INTS6L: variants seen among roughly 807,000 people sequenced by gnomAD.
INTS6L encodes the protein integrator complex subunit 6-like.
Under a neutral mutation model 64.7 loss-of-function variants are expected in INTS6L, and 18 were observed. The observed-to-expected ratio is 0.28, with a 90% CI of 0.19 to 0.41. The LOEUF (loss-of-function observed/expected upper bound fraction) is 0.41. Among genes scored for constraint, INTS6L ranks in the 10% least tolerant of loss-of-function variants. The pLI is 1.00. For synonymous variants in INTS6L, 227 were observed against 235.9 expected, an observed-to-expected ratio of 0.96 and a Z score of 0.34; for missense variants, 533 against 661.0, an observed-to-expected ratio of 0.81 and a Z score of 2.12.
chrX:135,579,681 C>T, intron 15 of INTS6L, 107 bp from the exon 16 acceptor site: 4 of 1,055,385 alleles, frequency 3.8e-6, no homozygotes, highest in Non-Finnish European at 1.3e-6. Flanking sequence ...GGTATATCAT[C>T]CTGCTTTATG....
chrX:135,578,870 A>G (rs782411694), intron 15 of INTS6L, among the ~76,000 whole-genome samples: 115 of 111,462 alleles, frequency 1.0e-3, no homozygotes, highest in Non-Finnish European at 2.0e-3. Context: ...TTATGTCTGC[A>G]TGTATATCAC....
At chrX:135,565,060 A>G (rs2086906227) in intron 9 of INTS6L, among the ~76,000 whole-genome samples, 1 of 111,705 alleles carries the variant, frequency 9.0e-6, no homozygotes, top group Non-Finnish European at 1.9e-5. Context: ...ATTATCTTCC[A>G]CACTTGACCT....
chrX:135,538,258 T>TA (rs1556510257), intron 2 of INTS6L, among the ~76,000 whole-genome samples: 1 of 112,755 alleles, frequency 8.9e-6, no homozygotes, highest in East Asian at 2.8e-4. Flanking sequence ...GTTTATATAA[T>TA]ATTGTAAATC....
intron 16 of INTS6L, 90 bp from the exon 17 acceptor site, chrX:135,580,960 C>A: frequency 1.5e-6 from 1 of 647,732 alleles, no homozygotes; most frequent in Non-Finnish European, 2.2e-6. Flanking sequence ...TTTCCACTCA[C>A]GAAGAACAAT....
intron 8 of INTS6L, among the ~76,000 whole-genome samples, chrX:135,552,920 G>A (rs986521843): frequency 1.8e-5 from 2 of 112,024 alleles, no homozygotes; most frequent in South Asian, 7.4e-4. Flanking sequence ...TAACTGTTAG[G>A]CTCTATTTAT....
intron 2 of INTS6L, among the ~76,000 whole-genome samples, chrX:135,543,161 C>T (rs1339208572): frequency 9.0e-6 from 1 of 110,761 alleles, no homozygotes; most frequent in Non-Finnish European, 1.9e-5. Flanking sequence ...CTCCAACTAC[C>T]AGCAGAGATC....
intron 2 of INTS6L, among the ~76,000 whole-genome samples, chrX:135,525,238 C>T (rs2148556640): frequency 8.9e-6 from 1 of 111,867 alleles, no homozygotes; most frequent in African/African-American, 3.2e-5. Flanking sequence ...ACTACTATTA[C>T]TTTGAAAGAA....
At chrX:135,577,506 T>C (rs782804456) in intron 15 of INTS6L, 79 bp downstream of exon 15, 1 of 992,766 alleles carries the variant, frequency 1.0e-6, no homozygotes, top group Non-Finnish European at 1.4e-6. Flanking sequence ...CTTTTTGTGT[T>C]CCTTCCTTTG....
chrX:135,540,370 A>G (rs1480400924), intron 2 of INTS6L, among the ~76,000 whole-genome samples: 1 of 112,099 alleles, frequency 8.9e-6, no homozygotes, highest in African/African-American at 3.2e-5. Flanking sequence ...ATTACATGCT[A>G]TGCTTAGTAT....
At chrX:135,567,231 GGAAGA>G (rs1556525199) in intron 9 of INTS6L, among the ~76,000 whole-genome samples, 1 of 111,811 alleles carries the variant, frequency 8.9e-6, no homozygotes, top group Non-Finnish European at 1.9e-5. Flanking sequence ...GAAAGGAACT[GGAAGA>G]GAAAATACCG....
At chrX:135,558,156 G>GTGT (rs1204835730) in intron 9 of INTS6L, among the ~76,000 whole-genome samples, 7 of 111,814 alleles carry the variant, frequency 6.3e-5, no homozygotes, top group African/African-American at 2.0e-4. Context: ...AAAATGAGAA[G>GTGT]TGTTGGTAAA....
At chrX:135,538,958 C>T (rs2086125348) in intron 2 of INTS6L, among the ~76,000 whole-genome samples, 1 of 112,132 alleles carries the variant, frequency 8.9e-6, no homozygotes, top group Non-Finnish European at 1.9e-5. Flanking sequence ...GTGCTGTCAT[C>T]CAGGTTTTGT....
chrX:135,576,341 A>AAT (rs1408601122), intron 14 of INTS6L, among the ~76,000 whole-genome samples: 1 of 109,736 alleles, frequency 9.1e-6, no homozygotes, highest in Non-Finnish European at 1.9e-5. Flanking sequence ...AAAAAAAAAA[A>AAT]AAAATTACAC....
chrX:135,553,227 G>A (rs1556517694), intron 8 of INTS6L, among the ~76,000 whole-genome samples: 2 of 111,559 alleles, frequency 1.8e-5, no homozygotes, highest in Admixed American at 9.5e-5. Context: ...TCTCTTGGGG[G>A]GATGCAAGGT....
At chrX:135,546,523 A>G (rs888759776) in intron 4 of INTS6L, 54 bp downstream of exon 4, 20 of 1,032,443 alleles carry the variant, frequency 1.9e-5, no homozygotes, top group African/African-American at 5.8e-5. Flanking sequence ...ACATGCAGCT[A>G]TTTCTGTGGG....
chrX:135,540,281 G>A (rs2086169351), intron 2 of INTS6L, among the ~76,000 whole-genome samples: 1 of 111,840 alleles, frequency 8.9e-6, no homozygotes, highest in South Asian at 3.8e-4. Context: ...CCAAGCCTCA[G>A]TATCCTCATG....
chrX:135,530,340 A>G (rs1556504006), intron 2 of INTS6L, among the ~76,000 whole-genome samples: 1 of 111,581 alleles, frequency 9.0e-6, no homozygotes, highest in Non-Finnish European at 1.9e-5. Context: ...TGAGACTCTC[A>G]GTTGATGGAG....
intron 2 of INTS6L, among the ~76,000 whole-genome samples, chrX:135,542,987 C>T (rs1224752050): frequency 2.7e-5 from 3 of 111,481 alleles, no homozygotes; most frequent in Non-Finnish European, 5.6e-5. Context: ...GCTACTAAAT[C>T]CTTAGGACTC....
intron 6 of INTS6L, among the ~76,000 whole-genome samples, chrX:135,547,865 G>A (rs371133066): frequency 1.8e-5 from 2 of 111,183 alleles, no homozygotes; most frequent in Non-Finnish European, 3.8e-5. Context: ...AAGTTAAATC[G>A]TAGTGAATCT....
Sources: gnomAD v4.1 joint callset for allele counts (sites outside exome capture counted in the v4.1 genomes callset) on GRCh38, gnomAD v4.1.1 for gene constraint, MANE v1.5 for transcripts, NCBI Gene and HGNC (gene_info 2026-07-23, HGNC 2026-07-21) for gene names.